ATP11A: variants seen among roughly 807,000 people sequenced by gnomAD.
The protein encoded by ATP11A is phospholipid-transporting ATPase IH.
Under a neutral mutation model 154.4 loss-of-function variants are expected in ATP11A, and 81 were observed. The observed-to-expected ratio is 0.52, with a 90% CI of 0.44 to 0.63. ATP11A has a LOEUF of 0.63. Ranked by LOEUF, ATP11A falls within the 30% of genes least tolerant of loss-of-function variation. The probability of loss-of-function intolerance (pLI) is 0.00; values close to 1 mark genes in which losing one functional copy is unlikely to be tolerated. For missense variants in ATP11A, 1,316 were observed against 1,474.3 expected (o/e 0.89, Z 1.76); for synonymous variants, 623 against 585.9 (o/e 1.06, Z -0.91).
At chr13:112,852,187 T>C (rs76027960) in intron 18 of ATP11A, among the ~76,000 whole-genome samples, 2 of 152,022 alleles carry the variant, frequency 1.3e-5, no homozygotes, top group African/African-American at 4.8e-5. Context: ...AGAAAAAAAA[T>C]GCCCCAATTG....
At chr13:112,803,661 G>A (rs995273269) in intron 2 of ATP11A, among the ~76,000 whole-genome samples, 2 of 149,888 alleles carry the variant, frequency 1.3e-5, no homozygotes, top group Admixed American at 6.7e-5. Context: ...AGGAGATGCT[G>A]TGGTGGCTGG....
At chr13:112,708,909 A>G (rs1887447748) in intron 1 of ATP11A, among the ~76,000 whole-genome samples, 1 of 152,228 alleles carries the variant, frequency 6.6e-6, no homozygotes, top group African/African-American at 2.4e-5. Context: ...GGGCCTGGCC[A>G]AGGAAGAGAG....
chr13:112,828,751 C>T (rs1454887554), intron 12 of ATP11A, among the ~76,000 whole-genome samples: 1 of 152,230 alleles, frequency 6.6e-6, no homozygotes, highest in Admixed American at 6.5e-5. Context: ...CCTCCTCGTA[C>T]ACAAAGAAGT....
rs556712741 is a variant in ATP11A, at chr13:112,880,882, G to A, written c.*10-994G>A. On this transcript the variant is annotated intron_variant, in intron 29 of 29. Transcript: ENST00000375645. ...ACACGTGTGCACACTCACCCCACAC[G>A]CACGGCACACAGCCTGACCAGACCC... is the stretch of plus-strand genomic sequence containing the variant. 2.8e-4 allele frequency: 283 copies of A among 1,021,012 alleles called. 1 individual carries two copies. The highest frequency in any genetic ancestry group is 4.4e-4 in the Middle Eastern group (1 of 2,282). The allele number at this position is 1,021,012 out of a possible 1,614,324, so 63.2% of individuals were successfully genotyped here.
chr13:112,841,014 C>T (rs1032890459), intron 16 of ATP11A, among the ~76,000 whole-genome samples: 7 of 152,256 alleles, frequency 4.6e-5, no homozygotes, highest in African/African-American at 7.2e-5. Flanking sequence ...CTACGCGTGC[C>T]GCTCAGGCTG....
intron 1 of ATP11A, among the ~76,000 whole-genome samples, chr13:112,756,213 CTG>C (rs1185047160): frequency 3.3e-5 from 5 of 152,364 alleles, no homozygotes; most frequent in South Asian, 4.1e-4. Flanking sequence ...AAAACTTAGT[CTG>C]TGAAACAGGT....
intron 4 of ATP11A, among the ~76,000 whole-genome samples, chr13:112,809,202 G>C (rs931145001): frequency 6.6e-6 from 1 of 152,178 alleles, no homozygotes; most frequent in Non-Finnish European, 1.5e-5. Context: ...CTTCCAGGAA[G>C]ACTGTTCTTC....
chr13:112,703,639 A>G (rs1452187099), intron 1 of ATP11A, among the ~76,000 whole-genome samples: 1 of 152,218 alleles, frequency 6.6e-6, no homozygotes, highest in Non-Finnish European at 1.5e-5. Flanking sequence ...TTGTGGAACA[A>G]AGTTAGGTAA....
Position 112,886,611 on chromosome 13 carries a change from A to ATGGG in ATP11A, c.*4746_*4749dup, listed in dbSNP as rs1037257802. On this transcript the variant is annotated 3_prime_UTR_variant, in exon 30 of 30. Transcript: ENST00000375645. ...GATGTTGTGTCTATAAGCAGCCTTG[A>ATGGG]TGGGATATGTTAGAAGTGTCATGAA... 1.2e-4 allele frequency: 19 copies of ATGGG among 152,498 alleles called. No individual in the cohort carries two copies. Among genetic ancestry groups the ATGGG allele is most frequent in the African/African-American group, 4.6e-4 (19 of 41,478 alleles). 9.4% of individuals were successfully genotyped at this position (152,498 alleles called of 1,614,324 possible). A position where few individuals can be genotyped will look rare whatever the true frequency, so the allele number is the denominator to read the frequency against.
chr13:112,789,930 G>A (rs113977597), intron 2 of ATP11A, among the ~76,000 whole-genome samples: 1,834 of 151,040 alleles, frequency 0.012, 48 homozygotes, highest in African/African-American at 0.042. Flanking sequence ...GCATCCTGAC[G>A]TGTGGACTCC....
At chr13:112,756,648 T>A (rs536602101) in intron 1 of ATP11A, among the ~76,000 whole-genome samples, 2 of 152,366 alleles carry the variant, frequency 1.3e-5, no homozygotes, top group Non-Finnish European at 2.9e-5. Flanking sequence ...CTGGAGAGCC[T>A]GGACGGTGTC....
At chr13:112,872,352 T>TGTAG (rs1344336583) in intron 26 of ATP11A, among the ~76,000 whole-genome samples, 2 of 152,252 alleles carry the variant, frequency 1.3e-5, no homozygotes, top group Non-Finnish European at 2.9e-5. Flanking sequence ...GGCTCACACC[T>TGTAG]GTAGTTCCAA....
intron 1 of ATP11A, among the ~76,000 whole-genome samples, chr13:112,699,978 A>G (rs1414706058): frequency 2.6e-5 from 4 of 152,048 alleles, no homozygotes; most frequent in Non-Finnish European, 4.4e-5. Flanking sequence ...AACACATTGT[A>G]AAGCGCTGTA....
intron 1 of ATP11A, among the ~76,000 whole-genome samples, chr13:112,721,555 A>G (rs1889186112): frequency 6.6e-6 from 1 of 152,168 alleles, no homozygotes; most frequent in Non-Finnish European, 1.5e-5. Flanking sequence ...ACTTGACATC[A>G]AAGATGGAAC....
At chr13:112,790,410 G>A (rs1377796010) in intron 2 of ATP11A, among the ~76,000 whole-genome samples, 1 of 150,348 alleles carries the variant, frequency 6.7e-6, no homozygotes, top group Non-Finnish European at 1.5e-5. Context: ...GTGTCCTGAT[G>A]TGTAGACCCC....
chr13:112,868,007 T>C (rs1029400914), intron 25 of ATP11A, among the ~76,000 whole-genome samples: 1 of 152,188 alleles, frequency 6.6e-6, no homozygotes, highest in South Asian at 2.1e-4. Context: ...GGAGGAACAA[T>C]AGAATTATGG....
At chr13:112,779,600 A>C (rs1438759719) in intron 1 of ATP11A, among the ~76,000 whole-genome samples, 2 of 152,228 alleles carry the variant, frequency 1.3e-5, no homozygotes, top group African/African-American at 4.8e-5. Flanking sequence ...TGAAACAGAG[A>C]AGCACTTCTG....
chr13:112,713,753 A>G (rs1370403447), intron 1 of ATP11A, among the ~76,000 whole-genome samples: 2 of 152,158 alleles, frequency 1.3e-5, no homozygotes, highest in Non-Finnish European at 2.9e-5. Flanking sequence ...TGATAAGGAT[A>G]AAATGAAACC....
intron 15 of ATP11A, 56 bp from the exon 16 acceptor site, chr13:112,836,122 A>G (rs2079227736): frequency 7.6e-6 from 10 of 1,314,858 alleles, no homozygotes; most frequent in Non-Finnish European, 1.1e-5. Flanking sequence ...CAGTTACCAG[A>G]TGGAATCACG....
Sources: gnomAD v4.1 joint callset for allele counts (sites outside exome capture counted in the v4.1 genomes callset) on GRCh38, gnomAD v4.1.1 for gene constraint, MANE v1.5 for transcripts, NCBI Gene and HGNC (gene_info 2026-07-23, HGNC 2026-07-21) for gene names.